COL5A1: variants seen among roughly 807,000 people sequenced by gnomAD.
COL5A1 encodes collagen type V alpha 1 chain.
In COL5A1, 16 loss-of-function variants were observed where a neutral mutation model predicts 263.7. The ratio of observed to expected loss-of-function variants is 0.06; its 90% CI spans 0.04 to 0.09. COL5A1 has a LOEUF of 0.09. COL5A1 is among the 10% of genes least tolerant of loss of function. The probability of loss-of-function intolerance (pLI) is 1.00; values close to 1 mark genes in which losing one functional copy is unlikely to be tolerated. For synonymous variants in COL5A1, 1,012 were observed against 1,004.5 expected, an observed-to-expected ratio of 1.01 and a Z score of -0.14; for missense variants, 2,036 against 2,540.5, an observed-to-expected ratio of 0.80 and a Z score of 4.27.
intron 25 of COL5A1, among the ~76,000 whole-genome samples, chr9:134,769,864 ACCCC>A (rs1836813494): frequency 6.6e-6 from 1 of 152,006 alleles, no homozygotes; most frequent in Non-Finnish European, 1.5e-5. Flanking sequence ...AGGGGGCTGC[ACCCC>A]ACCTTCCTGC....
chr9:134,775,281 G>A (rs1207364403), intron 27 of COL5A1, among the ~76,000 whole-genome samples: 4 of 152,236 alleles, frequency 2.6e-5, no homozygotes, highest in Admixed American at 2.0e-4. Context: ...AGCAGATCCC[G>A]GCTGAAGCCA....
rs1156547490 is a variant in COL5A1 at position 134,757,730 on chromosome 9, C to T, written c.1882-513C>T. ...ACACCCATGAGACAGGGCCCTGTTCCCGGGCTCCAGGGCATGCAGAAGAGG... is the reference window on the plus strand; with the variant it reads ...ACACCCATGAGACAGGGCCCTGTTCTCGGGCTCCAGGGCATGCAGAAGAGG... On this transcript the variant is annotated intron_variant, in intron 17 of 65. Transcript: ENST00000371817. The surrounding 1 kb of genome is among the most constrained non-coding windows in gnomAD (Gnocchi z 6.2). Among the ~76,000 whole-genome samples, 1 of 152,192 alleles carries T rather than the reference C, an allele frequency of 6.6e-6. No individual in the cohort carries two copies. The highest frequency in any genetic ancestry group is 1.5e-5 in the Non-Finnish European group (1 of 68,046).
intron 44 of COL5A1, 86 bp from the exon 45 acceptor site, chr9:134,811,253 C>G: frequency 8.1e-7 from 1 of 1,233,496 alleles, no homozygotes; most frequent in South Asian, 1.2e-5. Context: ...ATGCATCAGT[C>G]CCCGGGCTCA....
chr9:134,656,187 G>C (rs539473332), intron 1 of COL5A1, among the ~76,000 whole-genome samples: 16 of 152,270 alleles, frequency 1.1e-4, no homozygotes, highest in Non-Finnish European at 1.8e-4. Flanking sequence ...GGGGCCTGCG[G>C]CTCCTCGTCC....
rs965972908 is a variant in COL5A1 at position 134,843,786 on chromosome 9, G to A, written c.*1483G>A. 3.3e-5 allele frequency: 5 copies of A among 152,678 alleles called. No homozygotes were observed. The highest frequency in any genetic ancestry group is 7.3e-5 in the Non-Finnish European group (5 of 68,056). The allele number at this position is 152,678 out of a possible 1,614,324, so 9.5% of individuals were successfully genotyped here. A position where few individuals can be genotyped will look rare whatever the true frequency, so the allele number is the denominator to read the frequency against. ...GCGCTGCCTCGGTAGATGGAGTAAT[G>A]TACAATGAACTCCATGAGTCTCTCC... On this transcript the variant is annotated 3_prime_UTR_variant, in exon 66 of 66. Transcript: ENST00000371817.
intron 32 of COL5A1, among the ~76,000 whole-genome samples, chr9:134,792,057 G>A (rs1837707862): frequency 6.6e-6 from 1 of 152,222 alleles, no homozygotes; most frequent in South Asian, 2.1e-4. Context: ...GAAGTGGATA[G>A]GTGAGGTATG....
At chr9:134,811,866 C>G (rs1838537429) in intron 46 of COL5A1, among the ~76,000 whole-genome samples, 1 of 152,234 alleles carries the variant, frequency 6.6e-6, no homozygotes, top group Non-Finnish European at 1.5e-5. Context: ...ACAGTGACTT[C>G]TAAATGCACC....
At chr9:134,736,954 G>A (rs1236779394) in intron 9 of COL5A1, among the ~76,000 whole-genome samples, 4 of 152,216 alleles carry the variant, frequency 2.6e-5, no homozygotes, top group Non-Finnish European at 4.4e-5. Flanking sequence ...GGAGGGAGGC[G>A]GCCCCAGGGC....
At chr9:134,689,615 C>G (rs1382686872) in intron 1 of COL5A1, among the ~76,000 whole-genome samples, 1 of 152,196 alleles carries the variant, frequency 6.6e-6, no homozygotes, top group East Asian at 1.9e-4. Context: ...GTGTTTGGAG[C>G]CAGCAGAGCA....
chr9:134,736,660 C>T (rs1029358365), intron 9 of COL5A1, among the ~76,000 whole-genome samples: 7 of 152,246 alleles, frequency 4.6e-5, no homozygotes, highest in African/African-American at 1.2e-4. Context: ...CCGGTACCCA[C>T]ATCATCTCAA....
intron 63 of COL5A1, among the ~76,000 whole-genome samples, chr9:134,828,609 C>CACACACAA (rs1564181307): frequency 4.8e-5 from 7 of 145,886 alleles, no homozygotes; most frequent in South Asian, 2.1e-4. Context: ...CAGATACACA[C>CACACACAA]CATACACCAC....
At position 134,730,698 on chromosome 9, in the gene COL5A1, A is replaced by G. The variant is rs117242203; in HGVS notation, c.1164+223A>G. On this transcript the variant is annotated intron_variant, in intron 7 of 65. Coordinates refer to ENST00000371817, the MANE Select transcript of COL5A1 (RefSeq NM_000093.5). ...CAAGTTTGGAATCCCTGGTTTGCTG[A>G]GTTCATCTCAATGTTGTCAATTTTT... Among the ~76,000 whole-genome samples the G allele has an allele frequency of 5.3e-4, 81 of 152,314 alleles. No individual in the cohort carries two copies. In the East Asian group the frequency reaches 0.015, roughly 28 times the overall value.
In COL5A1 at chr9:134,742,173, T is replaced by C. The variant is rs116319629; in HGVS notation, c.1494+3365T>C. ...CTGCACACTCTCCCGCTGCTCCCCTTGGATGACCTTCCATGCTGCATCTGC... is the reference window on the plus strand; with the variant it reads ...CTGCACACTCTCCCGCTGCTCCCCTCGGATGACCTTCCATGCTGCATCTGC... On this transcript the variant is annotated intron_variant, in intron 11 of 65. Coordinates refer to ENST00000371817, the MANE Select transcript of COL5A1 (RefSeq NM_000093.5). The surrounding 1 kb of genome is among the most constrained non-coding windows in gnomAD (Gnocchi z 4.6). Among the ~76,000 whole-genome samples the C allele has an allele frequency of 3.0e-3, 461 of 152,298 alleles. 2 individuals carry two copies. The highest frequency in any genetic ancestry group is 0.011 in the African/African-American group (448 of 41,564).
chr9:134,713,239 T>C (rs1283279464), intron 4 of COL5A1, among the ~76,000 whole-genome samples: 2 of 152,234 alleles, frequency 1.3e-5, no homozygotes, highest in East Asian at 3.8e-4. Context: ...CCTACCCCAC[T>C]GGCTTCATGC....
At chr9:134,669,620 G>A (rs1832481380) in intron 1 of COL5A1, among the ~76,000 whole-genome samples, 1 of 152,092 alleles carries the variant, frequency 6.6e-6, no homozygotes, top group African/African-American at 2.4e-5. Context: ...CTTGAACTGA[G>A]AGACAAGAGA....
At chr9:134,756,187 G>A (rs191009095) in intron 16 of COL5A1, among the ~76,000 whole-genome samples, 102 of 152,300 alleles carry the variant, frequency 6.7e-4, no homozygotes, top group African/African-American at 2.3e-3. Context: ...GTCCTTGACT[G>A]TGTCCATAGC....
intron 18 of COL5A1, among the ~76,000 whole-genome samples, chr9:134,760,775 C>G (rs1426595834): frequency 7.1e-6 from 1 of 141,638 alleles, no homozygotes; most frequent in African/African-American, 2.7e-5. Flanking sequence ...ACGAACACCA[C>G]CTACACATGC....
intron 1 of COL5A1, chr9:134,649,526 T>C (rs1588399546): frequency 2.1e-6 from 1 of 471,070 alleles, no homozygotes; most frequent in Non-Finnish European, 4.4e-6. Flanking sequence ...TTAGCTCTTC[T>C]GTCCTTTTCT....
intron 50 of COL5A1, 77 bp downstream of exon 50, chr9:134,814,981 C>A: frequency 2.0e-6 from 2 of 1,010,018 alleles, no homozygotes; most frequent in Non-Finnish European, 3.0e-6. Context: ...GACTCACTGG[C>A]GGTGCACTCT....
Sources: allele counts gnomAD v4.1 joint callset (sites outside exome capture counted in the v4.1 genomes callset), GRCh38; gene constraint gnomAD v4.1.1; non-coding constraint Gnocchi (gnomAD v3.1); transcripts MANE v1.5; gene names NCBI Gene and HGNC (gene_info 2026-07-23, HGNC 2026-07-21).